The following RIF1 variants were observed in gnomAD, a reference collection of about 807,000 sequenced individuals.
The protein encoded by RIF1 is replication timing regulatory factor 1.
Under a neutral mutation model 247.1 loss-of-function variants are expected in RIF1, and 45 were observed. The ratio of observed to expected loss-of-function variants is 0.18; its 90% CI spans 0.14 to 0.23. RIF1 has a LOEUF of 0.23. RIF1 is among the 10% of genes least tolerant of loss of function. The probability of loss-of-function intolerance (pLI) is 1.00; values close to 1 mark genes in which losing one functional copy is unlikely to be tolerated. For synonymous variants in RIF1, 1,087 were observed against 978.8 expected (o/e 1.11, Z -2.06); for missense variants, 2,967 against 2,862.5 (o/e 1.04, Z -0.83).
the RIF1 span, chr2:151,525,381 G>T: frequency 1.3e-6 from 1 of 794,162 alleles, no homozygotes; most frequent in Non-Finnish European, 2.1e-6. Context: ...CCATTTTGGC[G>T]TCAGTCTGGG....
intron 9 of RIF1, chr2:151,491,536 A>C: frequency 3.0e-6 from 2 of 669,844 alleles, no homozygotes; most frequent in African/African-American, 1.8e-5. Context: ...TTTGCTCACT[A>C]GTTAACAAGG....
intron 12 of RIF1, among the ~76,000 whole-genome samples, chr2:151,503,648 C>T (rs1210112617): frequency 2.0e-5 from 3 of 152,042 alleles, no homozygotes; most frequent in African/African-American, 7.2e-5. Context: ...AAACTGGGCA[C>T]TAAATTATGC....
intron 30 of RIF1, among the ~76,000 whole-genome samples, chr2:151,466,953 T>C (rs932027282): frequency 6.6e-6 from 1 of 152,198 alleles, no homozygotes; most frequent in Non-Finnish European, 1.5e-5. Context: ...CCAGGCTCGG[T>C]AGCTCACACC....
At chr2:151,490,415 G>C in intron 9 of RIF1, 1 of 1,598,892 alleles carries the variant, frequency 6.3e-7, no homozygotes, top group African/African-American at 1.3e-5. Context: ...AAGTCGAAAG[G>C]TGGTGGTCTG....
chr2:151,495,669 C>CAACA (rs2059698519), intron 10 of RIF1, among the ~76,000 whole-genome samples: 1 of 150,426 alleles, frequency 6.6e-6, no homozygotes, highest in African/African-American at 2.5e-5. Flanking sequence ...AACTAAAGAA[C>CAACA]AACAACAACA....
intron 9 of RIF1, chr2:151,494,211 C>T (rs1559165646): frequency 6.2e-7 from 1 of 1,608,108 alleles, no homozygotes; most frequent in Non-Finnish European, 8.5e-7. Flanking sequence ...TCAGGAGTGA[C>T]AGGGGTTGCG....
Position 151,457,966 on chromosome 2 carries a change from A to T in RIF1, c.2855+3A>T. ...TTGGTTTATCCTGAAGAGTTAAAGTATGCTAACAACAAAACTTATATACAA... is the reference window on the plus strand; with the variant it reads ...TTGGTTTATCCTGAAGAGTTAAAGTTTGCTAACAACAAAACTTATATACAA... On this transcript the variant is annotated splice_donor_region_variant and intron_variant, in intron 24 of 35. Transcript: ENST00000444746. The T allele has an allele frequency of 6.2e-7, 1 of 1,608,880 alleles. No homozygotes were observed. Among genetic ancestry groups the T allele is most frequent in the Non-Finnish European group, 8.5e-7 (1 of 1,175,642 alleles).
chr2:151,491,860 C>A, intron 9 of RIF1: 1 of 1,155,982 alleles, frequency 8.7e-7, no homozygotes, highest in South Asian at 1.4e-5. Context: ...TAACAACCAC[C>A]AAAGGATTGA....
intron 8 of RIF1, chr2:151,423,615 C>T (rs1337483711): frequency 6.6e-6 from 1 of 152,356 alleles, no homozygotes; most frequent in Non-Finnish European, 1.5e-5. Context: ...GAACAGCTGA[C>T]AAAAGTGTTG....
intron 21 of RIF1, among the ~76,000 whole-genome samples, chr2:151,451,912 CTCTA>C (rs1355341581): frequency 5.3e-5 from 8 of 152,202 alleles, no homozygotes; most frequent in African/African-American, 1.7e-4. Flanking sequence ...ATTCTCTTAT[CTCTA>C]TCACACAAAA....
intron 23 of RIF1, 70 bp downstream of exon 23, chr2:151,456,690 TTAAACA>T (rs1209095768): frequency 4.3e-5 from 39 of 906,014 alleles, no homozygotes; most frequent in Non-Finnish European, 3.1e-5. Flanking sequence ...GATAATTTTC[TTAAACA>T]TAATTCTGCT....
At chr2:151,421,350 G>GT (rs781193992) in intron 7 of RIF1, among the ~76,000 whole-genome samples, 8 of 152,160 alleles carry the variant, frequency 5.3e-5, no homozygotes, top group Non-Finnish European at 1.0e-4. Flanking sequence ...CAGAGTAGGA[G>GT]TTACCCATGT....
chr2:151,462,531 C>A, intron 29 of RIF1, 65 bp downstream of exon 29: 1 of 1,017,196 alleles, frequency 9.8e-7, no homozygotes, highest in South Asian at 1.6e-5. Flanking sequence ...GTCTGTTAAA[C>A]TGCTGAAATG....
At chr2:151,502,868 AT>A (rs2065788217) in intron 11 of RIF1, 1 of 1,601,282 alleles carries the variant, frequency 6.2e-7, no homozygotes, top group Non-Finnish European at 8.5e-7. Context: ...CTTTCCCCAA[AT>A]TTTCTTTGTA....
At chr2:151,494,186 T>C (rs1053712292) in intron 9 of RIF1, 2 of 1,608,150 alleles carry the variant, frequency 1.2e-6, no homozygotes, top group Middle Eastern at 1.7e-4. Flanking sequence ...TTGATTGCGT[T>C]TGACTCTCTG....
At chr2:151,430,120 A>G (rs1055497282) in intron 9 of RIF1, among the ~76,000 whole-genome samples, 5 of 151,040 alleles carry the variant, frequency 3.3e-5, no homozygotes, top group African/African-American at 1.2e-4. Context: ...TCCTGGGTTC[A>G]CACCATTCTT....
At position 151,464,261 on chromosome 2, in the gene RIF1, G is replaced by A; in HGVS notation, c.4741G>A (p.Asp1581Asn). Reference sequence around the variant, plus strand: ...GAAAAACAAAAGCAATGAAAGTGTTGACATTCAAGATCAAGAAGAGAAAGT... The same window carrying A: ...GAAAAACAAAAGCAATGAAAGTGTTAACATTCAAGATCAAGAAGAGAAAGT... ...KWKNKSNESVDIQDQEEKVVK... is the reference protein window; with the variant it reads ...KWKNKSNESVNIQDQEEKVVK... Residue 1581 changes from aspartate (D) to asparagine (N), a missense_variant, in exon 30 of 36, where the codon GAC (aspartate) becomes AAC (asparagine). This residue lies in a region of RIF1 where 2,028 missense variants were observed against 1,825.6 expected (regional missense o/e 1.11). Coordinates refer to ENST00000444746, the MANE Select transcript of RIF1 (RefSeq NM_018151.5). The A allele has an allele frequency of 6.2e-7, 1 of 1,613,870 alleles. No homozygotes were observed. Among genetic ancestry groups the A allele is most frequent in the Non-Finnish European group, 8.5e-7 (1 of 1,179,952 alleles).
At chr2:151,518,904 G>C in the RIF1 span, 1 of 1,165,526 alleles carries the variant, frequency 8.6e-7, no homozygotes, top group Non-Finnish European at 1.3e-6. Flanking sequence ...TCTGGGCTCA[G>C]AAAGAATTTA....
chr2:151,513,452 G>T, the RIF1 span: 1 of 681,734 alleles, frequency 1.5e-6, no homozygotes, highest in Non-Finnish European at 2.5e-6. Flanking sequence ...CTTCCTCCAG[G>T]CAGATGTTCA....
Sources: gnomAD v4.1 joint callset for allele counts (sites outside exome capture counted in the v4.1 genomes callset) on GRCh38, gnomAD v4.1.1 for gene constraint, gnomAD v4.1.1 regional missense constraint, MANE v1.5 for transcripts, NCBI Gene and HGNC (gene_info 2026-07-23, HGNC 2026-07-21) for gene names.